Variants in CLEC18A observed in about 807,000 individuals in gnomAD.
CLEC18A encodes the protein C-type lectin domain family 18 member A, also known as mannose receptor-like 1.
Under a neutral mutation model 24.0 loss-of-function variants are expected in CLEC18A, and 5 were observed. The observed-to-expected ratio is 0.21, with a 90% CI of 0.11 to 0.44. CLEC18A has a LOEUF of 0.44. Among genes scored for constraint, CLEC18A ranks in the 20% least tolerant of loss-of-function variants. The pLI is 0.99. For missense variants in CLEC18A, 83 were observed against 233.4 expected (o/e 0.36, Z 4.20); for synonymous variants, 29 against 100.1 (o/e 0.29, Z 4.24).
At chr16:69,966,183 A>G, downstream of CLEC18A, among the ~76,000 whole-genome samples, 1 of 147,358 alleles carries the variant, frequency 6.8e-6, no homozygotes, top group Non-Finnish European at 1.5e-5. Flanking sequence ...CTCAGTCTGT[A>G]AAAGTCCATG....
At chr16:69,943,951 C>G in the CLEC18A span, among the ~76,000 whole-genome samples, 3 of 134,106 alleles carry the variant, frequency 2.2e-5, no homozygotes, top group Admixed American at 7.8e-5. Flanking sequence ...ATCCAGACCT[C>G]CCCAGCCTAG....
intron 1 of CLEC18A, 149 bp downstream of exon 1, chr16:69,951,639 C>G (rs1159618370): frequency 8.1e-7 from 1 of 1,228,384 alleles, no homozygotes; most frequent in African/African-American, 1.5e-5. Flanking sequence ...AGCCCGGGGG[C>G]GGTGAGGGGT....
chr16:69,950,316 G>C (rs2058931443), upstream of CLEC18A, among the ~76,000 whole-genome samples: 4 of 127,826 alleles, frequency 3.1e-5, 2 homozygotes, highest in Non-Finnish European at 7.5e-5. Context: ...GGACGTAGTT[G>C]GTTTGCAAGG....
At chr16:69,945,295 A>C in the CLEC18A span, among the ~76,000 whole-genome samples, 16 of 150,782 alleles carry the variant, frequency 1.1e-4, no homozygotes, top group Non-Finnish European at 1.3e-4. Context: ...AATAAAATAA[A>C]TTGGCCATAA....
At chr16:69,946,478 ACCT>A (rs2058911522), upstream of CLEC18A, among the ~76,000 whole-genome samples, 1 of 137,568 alleles carries the variant, frequency 7.3e-6, no homozygotes, top group Non-Finnish European at 1.5e-5. Flanking sequence ...GCTCACTGTA[ACCT>A]CCGCCTCCCG....
chr16:69,966,308 A>C (rs926009303), downstream of CLEC18A, among the ~76,000 whole-genome samples: 2 of 147,814 alleles, frequency 1.4e-5, no homozygotes, highest in African/African-American at 5.0e-5. Flanking sequence ...GAGCAACTCC[A>C]TCTTGAGTAG....
chr16:69,953,787 C>T (rs1360013328), intron 2 of CLEC18A: 2 of 152,892 alleles, frequency 1.3e-5, no homozygotes, highest in African/African-American at 5.8e-5. Flanking sequence ...TGCACTCCAG[C>T]CTGGGCGACA....
intron 10 of CLEC18A, 82 bp from the exon 11 acceptor site, chr16:69,962,894 G>C (rs2059075281): frequency 7.2e-7 from 1 of 1,379,434 alleles, no homozygotes; most frequent in Non-Finnish European, 1.0e-6. Context: ...TGAGATGCAG[G>C]GTCCTGATGG....
At chr16:69,954,624 C>T in intron 3 of CLEC18A, 51 bp downstream of exon 3, 1 of 1,602,848 alleles carries the variant, frequency 6.2e-7, no homozygotes, top group Non-Finnish European at 8.5e-7. Context: ...ATACAGACTT[C>T]CACTGGGCCA....
At chr16:69,946,397 T>C (rs989193419), upstream of CLEC18A, among the ~76,000 whole-genome samples, 6 of 8,174 alleles carry the variant, frequency 7.3e-4, no homozygotes, top group Admixed American at 1.2e-3. Context: ...TATGGATTTT[T>C]TTTTTTTTTT....
intron 3 of CLEC18A, among the ~76,000 whole-genome samples, 177 bp downstream of exon 3, chr16:69,954,750 T>G (rs554954987): frequency 2.0e-5 from 3 of 152,170 alleles, no homozygotes; most frequent in Admixed American, 6.5e-5. Context: ...CAGGCTAGAG[T>G]GCAGTGGCGT....
downstream of CLEC18A, among the ~76,000 whole-genome samples, chr16:69,965,339 C>T (rs1459483501): frequency 1.3e-5 from 2 of 152,036 alleles, no homozygotes; most frequent in African/African-American, 4.8e-5. Context: ...CGCTCTCCGG[C>T]TCGGTCTGGT....
downstream of CLEC18A, chr16:69,964,506 CTT>C (rs111959288): frequency 2.0e-4 from 21 of 102,752 alleles, no homozygotes; most frequent in African/African-American, 5.2e-4. Flanking sequence ...CTTTTCTTTT[CTT>C]TTTTTTTTTG....
chr16:69,965,329 C>T (rs1207050720), downstream of CLEC18A, among the ~76,000 whole-genome samples: 2 of 151,980 alleles, frequency 1.3e-5, no homozygotes, highest in Non-Finnish European at 2.9e-5. Flanking sequence ...CGGGAGGGCC[C>T]GCTCTCCGGC....
At chr16:69,954,917 C>G (rs1379358979) in intron 3 of CLEC18A, among the ~76,000 whole-genome samples, 1 of 152,122 alleles carries the variant, frequency 6.6e-6, no homozygotes, top group African/African-American at 2.4e-5. Flanking sequence ...CCAGGTTGGT[C>G]TTGAACTCCT....
the CLEC18A span, among the ~76,000 whole-genome samples, chr16:69,945,377 T>C: frequency 6.6e-6 from 1 of 152,330 alleles, no homozygotes; most frequent in East Asian, 1.9e-4. Context: ...CCGTATCTTA[T>C]AGATGTGATT....
At chr16:69,944,211 G>A in the CLEC18A span, among the ~76,000 whole-genome samples, 2 of 123,616 alleles carry the variant, frequency 1.6e-5, no homozygotes, top group Non-Finnish European at 3.9e-5. Flanking sequence ...CAGGAGAATC[G>A]CTTGAACCCG....
intron 3 of CLEC18A, among the ~76,000 whole-genome samples, chr16:69,955,141 C>T (rs2059017010): frequency 6.6e-6 from 1 of 152,088 alleles, no homozygotes; most frequent in Non-Finnish European, 1.5e-5. Context: ...GCTGGGATTA[C>T]AGGTGTGCGC....
rs755086048 is a variant in CLEC18A, at chr16:69,963,025, GA to G, written c.1262del (p.Asp421AlafsTer29). On this transcript the variant is annotated frameshift_variant, in exon 11 of 12. Coordinates refer to ENST00000288040, the MANE Select transcript of CLEC18A (RefSeq NM_001370523.4). LOFTEE classifies it high-confidence loss of function. ...LQASAAFNWNDQRCKTRNRYI... is the reference protein window; with the variant it reads ...LQASAAFNWNXQRCKTRNRYI... ...GGCTTCAGCTGCCTTCAACTGGAAC[GA>G]CCAGCGCTGCAAAACCCGAAACCGT... is the stretch of plus-strand genomic sequence containing the variant. The G allele has an allele frequency of 1.9e-6, 3 of 1,540,942 alleles. No individual in the cohort carries two copies. The African/African-American group carries it at 4.1e-5, about 21-fold the overall frequency.
Sources: allele counts gnomAD v4.1 joint callset (sites outside exome capture counted in the v4.1 genomes callset), GRCh38; gene constraint gnomAD v4.1.1; transcripts MANE v1.5; gene names NCBI Gene and HGNC (gene_info 2026-07-23, HGNC 2026-07-21).